The following KCNH7 variants were observed in gnomAD, a reference collection of about 807,000 sequenced individuals.
KCNH7 encodes the protein potassium voltage-gated channel subfamily H member 7.
In KCNH7, 49 loss-of-function variants were observed where a neutral mutation model predicts 120.8. The ratio of observed to expected loss-of-function variants is 0.41; its 90% confidence interval spans 0.32 to 0.51. KCNH7 has a LOEUF of 0.51. KCNH7 is among the 20% of genes least tolerant of loss of function. KCNH7 has a pLI of 0.38. For missense variants in KCNH7, 1,097 were observed against 1,446.6 expected (o/e 0.76, Z 3.92); for synonymous variants, 547 against 516.1 (o/e 1.06, Z -0.81).
intron 2 of KCNH7, among the ~76,000 whole-genome samples, 182 bp downstream of exon 2, chr2:162,836,354 GA>G (rs916798242): frequency 1.2e-4 from 19 of 152,138 alleles, no homozygotes; most frequent in African/African-American, 3.1e-4. Context: ...CTTATTCAAA[GA>G]AAAAATTGTT....
chr2:162,476,128 A>C (rs1277843625), intron 6 of KCNH7, among the ~76,000 whole-genome samples: 23 of 152,214 alleles, frequency 1.5e-4, no homozygotes, highest in Admixed American at 1.5e-3. Context: ...AAAGCCTGCC[A>C]TCTCATTAAA....
intron 2 of KCNH7, among the ~76,000 whole-genome samples, chr2:162,698,571 T>C (rs1240307302): frequency 6.6e-6 from 1 of 152,090 alleles, no homozygotes; most frequent in Non-Finnish European, 1.5e-5. Flanking sequence ...AAGAATCAAC[T>C]GTGTTTGAGC....
At position 162,446,306 on chromosome 2, in the gene KCNH7, A is replaced by C. The variant is rs778554756; in HGVS notation, c.1266T>G (p.Ala422=). 3 of 1,613,832 alleles carry C rather than the reference A, an allele frequency of 1.9e-6. No individual in the cohort carries two copies. Among genetic ancestry groups the C allele is most frequent in the Non-Finnish European group, 2.5e-6 (3 of 1,179,892 alleles). The part of the protein sequence containing the change: ...WLILLLVIYT[A]IFTPYSAAFL... ...AGGCTGCAGAGTAGGGAGTAAATAT[A>C]GCAGTGTATATGACCAACAGCAGGA... The change falls in exon 7 of 16, where the codon GCT becomes GCG. Residue 422 remains alanine (A), a synonymous_variant. Coordinates refer to ENST00000332142, the MANE Select transcript of KCNH7 (RefSeq NM_033272.4).
At chr2:162,757,053 G>T (rs944171847) in intron 2 of KCNH7, among the ~76,000 whole-genome samples, 1 of 152,090 alleles carries the variant, frequency 6.6e-6, no homozygotes, top group Non-Finnish European at 1.5e-5. Flanking sequence ...CATTTGGGAG[G>T]TTACAAGGAA....
At chr2:162,473,202 C>T (rs1689623553) in intron 6 of KCNH7, among the ~76,000 whole-genome samples, 1 of 151,210 alleles carries the variant, frequency 6.6e-6, no homozygotes, top group African/African-American at 2.4e-5. Context: ...CACATGTACC[C>T]TAGAACTTAA....
chr2:162,699,526 T>A (rs1348879245), intron 2 of KCNH7, among the ~76,000 whole-genome samples: 1 of 152,178 alleles, frequency 6.6e-6, no homozygotes, highest in Non-Finnish European at 1.5e-5. Context: ...TTCTTTTTTG[T>A]TGTTATGCTT....
At chr2:162,748,927 T>TTTCCCTTCCTTCC (rs1688435707) in intron 2 of KCNH7, among the ~76,000 whole-genome samples, 2 of 27,862 alleles carry the variant, frequency 7.2e-5, no homozygotes, top group African/African-American at 4.6e-4. Flanking sequence ...TTCCCTTTCC[T>TTTCCCTTCCTTCC]TTCCTTCCTT....
intron 2 of KCNH7, among the ~76,000 whole-genome samples, chr2:162,752,959 A>AAAAG (rs1688635723): frequency 1.5e-4 from 17 of 113,600 alleles, no homozygotes; most frequent in Non-Finnish European, 1.9e-4. Flanking sequence ...AAAAGAAAAG[A>AAAAG]AAAGAAAAGA....
intron 9 of KCNH7, among the ~76,000 whole-genome samples, chr2:162,401,456 A>C (rs1687061994): frequency 6.6e-6 from 1 of 151,926 alleles, no homozygotes; most frequent in South Asian, 2.1e-4. Flanking sequence ...GGCATTTCCT[A>C]TCTTTTTGGA....
chr2:162,395,609 A>G (rs55788940), intron 11 of KCNH7, among the ~76,000 whole-genome samples: 9,423 of 151,790 alleles, frequency 0.062, 930 homozygotes, highest in African/African-American at 0.21. Context: ...GGGTGGTGAC[A>G]TAAAACTAAG....
intron 2 of KCNH7, among the ~76,000 whole-genome samples, chr2:162,622,649 A>G (rs767542774): frequency 6.6e-6 from 1 of 152,166 alleles, no homozygotes; most frequent in Non-Finnish European, 1.5e-5. Context: ...CTTAATACCT[A>G]GAGTCGTGAA....
chr2:162,620,834 T>A (rs2105193655), intron 2 of KCNH7, among the ~76,000 whole-genome samples: 1 of 152,252 alleles, frequency 6.6e-6, no homozygotes, highest in South Asian at 2.1e-4. Flanking sequence ...CTCTGTCACA[T>A]AATTCCTTTG....
intron 2 of KCNH7, among the ~76,000 whole-genome samples, chr2:162,744,532 A>C (rs1388581308): frequency 6.8e-6 from 1 of 146,630 alleles, no homozygotes; most frequent in Non-Finnish European, 1.5e-5. Flanking sequence ...CTGACCGTTT[A>C]GTTCTACACA....
At chr2:162,820,652 ACT>A (rs1260576645) in intron 2 of KCNH7, among the ~76,000 whole-genome samples, 1 of 152,080 alleles carries the variant, frequency 6.6e-6, no homozygotes, top group Non-Finnish European at 1.5e-5. Flanking sequence ...TTGGATTGTA[ACT>A]CTGCAAAAGC....
intron 2 of KCNH7, among the ~76,000 whole-genome samples, chr2:162,669,753 G>T (rs1478291105): frequency 6.6e-6 from 1 of 152,120 alleles, no homozygotes; most frequent in Admixed American, 6.6e-5. Context: ...CCCACCCAAA[G>T]AATTGTCTCG....
intron 3 of KCNH7, among the ~76,000 whole-genome samples, chr2:162,528,885 G>C (rs541533908): frequency 3.9e-5 from 6 of 152,086 alleles, no homozygotes; most frequent in African/African-American, 7.2e-5. Flanking sequence ...GTGTTTCATA[G>C]ACTTGGCTAG....
intron 2 of KCNH7, among the ~76,000 whole-genome samples, chr2:162,751,529 T>C (rs1411722134): frequency 6.6e-6 from 1 of 152,018 alleles, no homozygotes; most frequent in Non-Finnish European, 1.5e-5. Flanking sequence ...AAATAATTCA[T>C]GATATAAAAT....
At position 162,371,707 on chromosome 2, in the gene KCNH7, G is replaced by T; in HGVS notation, c.*122C>A. ...AAGCTTCAATTTAGGAAAATATACA[G>T]TACTTTTGCATATAATGGTACCTTG... On this transcript the variant is annotated 3_prime_UTR_variant, in exon 16 of 16. Transcript: ENST00000332142. 2 of 969,120 alleles carry T rather than the reference G, an allele frequency of 2.1e-6. No individual in the cohort carries two copies. The highest frequency in any genetic ancestry group is 3.0e-6 in the Non-Finnish European group (2 of 672,992). The allele number at this position is 969,120 out of a possible 1,614,324, so 60.0% of individuals were successfully genotyped here. A position where few individuals can be genotyped will look rare whatever the true frequency, so the allele number is the denominator to read the frequency against.
At chr2:162,666,924 C>CCAT (rs369304394) in intron 2 of KCNH7, among the ~76,000 whole-genome samples, 483 of 152,116 alleles carry the variant, frequency 3.2e-3, no homozygotes, top group Non-Finnish European at 6.0e-3. Flanking sequence ...TTGTTGAATA[C>CCAT]CATCATTTCT....
Sources: gnomAD v4.1 joint callset for allele counts (sites outside exome capture counted in the v4.1 genomes callset) on GRCh38, gnomAD v4.1.1 for gene constraint, MANE v1.5 for transcripts, NCBI Gene and HGNC (gene_info 2026-07-23, HGNC 2026-07-21) for gene names.